Variants in MYCBP2 observed in about 807,000 individuals in gnomAD.
MYCBP2 encodes the protein MYC binding protein 2.
MYCBP2 carries 120 observed loss-of-function variants against 525.3 expected under a neutral mutation model. The ratio of observed to expected loss-of-function variants is 0.23; its 90% CI spans 0.20 to 0.27. The LOEUF is 0.27. Among genes scored for constraint, MYCBP2 ranks in the 10% least tolerant of loss-of-function variants. The probability of loss-of-function intolerance (pLI) is 1.00; values close to 1 mark genes in which losing one functional copy is unlikely to be tolerated. For synonymous variants in MYCBP2, 1,894 were observed against 1,955.8 expected (o/e 0.97, Z 0.83); for missense variants, 4,149 against 5,657.1 (o/e 0.73, Z 8.55).
chr13:77,100,003 T>C (rs774046266), intron 55 of MYCBP2: 1 of 152,058 alleles, frequency 6.6e-6, no homozygotes, highest in Non-Finnish European at 1.5e-5. Flanking sequence ...AAATAAAAAC[T>C]TCTACTCTTA....
chr13:77,130,416 T>A (rs1381436773), intron 52 of MYCBP2, among the ~76,000 whole-genome samples: 2 of 151,858 alleles, frequency 1.3e-5, no homozygotes, highest in African/African-American at 4.8e-5. Flanking sequence ...CATATATATA[T>A]ATGGATATAT....
In MYCBP2 at chr13:77,326,822, C is replaced by A. The variant is rs1472689919; in HGVS notation, c.-47G>T. On this transcript the variant is annotated 5_prime_UTR_variant, in exon 1 of 83. Transcript: ENST00000544440. The surrounding 1 kb of genome is among the most constrained non-coding windows in gnomAD (Gnocchi z 4.2). ...CGCCGCCTCGTCCCCGCGGGCCGGG[C>A]GGGCAGACACGCGCGCGCACACACA... 4 of 1,379,606 alleles carry A rather than the reference C, an allele frequency of 2.9e-6. No homozygotes were observed. The highest frequency in any genetic ancestry group is 1.7e-5 in the South Asian group (1 of 58,076). The allele number at this position is 1,379,606 out of a possible 1,614,324, so 85.5% of individuals were successfully genotyped here.
intron 37 of MYCBP2, among the ~76,000 whole-genome samples, chr13:77,173,462 A>C (rs1035000240): frequency 1.3e-5 from 2 of 152,260 alleles, no homozygotes; most frequent in Non-Finnish European, 2.9e-5. Flanking sequence ...AGCAGCAACA[A>C]TGAACTACAT....
At chr13:77,325,344 G>A (rs766040392) in intron 1 of MYCBP2, among the ~76,000 whole-genome samples, 12 of 152,080 alleles carry the variant, frequency 7.9e-5, no homozygotes, top group Non-Finnish European at 1.6e-4. Flanking sequence ...CCCATGTACT[G>A]CAAGAAGCTG....
chr13:77,085,471 G>A (rs1332025536), intron 62 of MYCBP2, among the ~76,000 whole-genome samples: 1 of 152,120 alleles, frequency 6.6e-6, no homozygotes, highest in Non-Finnish European at 1.5e-5. Context: ...TGTACTTTCT[G>A]ATTCTTTTTC....
intron 55 of MYCBP2, among the ~76,000 whole-genome samples, chr13:77,117,838 C>A (rs73239482): frequency 2.6e-5 from 4 of 152,090 alleles, no homozygotes; most frequent in Non-Finnish European, 4.4e-5. Flanking sequence ...AGGACTAGAG[C>A]AATCCTAAAA....
At chr13:77,103,804 C>T (rs1381461177) in intron 55 of MYCBP2, among the ~76,000 whole-genome samples, 1 of 151,974 alleles carries the variant, frequency 6.6e-6, no homozygotes, top group Non-Finnish European at 1.5e-5. Flanking sequence ...CGGGGTGACA[C>T]TGTGTTTGGC....
Position 77,205,506 on chromosome 13 carries a change from T to C in MYCBP2, c.3682A>G (p.Lys1228Glu), listed in dbSNP as rs1210563253. The C allele has an allele frequency of 6.2e-7, 1 of 1,613,718 alleles. No homozygotes were observed. The highest frequency in any genetic ancestry group is 8.5e-7 in the Non-Finnish European group (1 of 1,179,820). The change falls in exon 25 of 83, where the codon AAA (lysine) becomes GAA (glutamate). Residue 1228 changes from lysine to glutamate, a missense_variant. Coordinates refer to ENST00000544440, the MANE Select transcript of MYCBP2 (RefSeq NM_015057.5). The stretch of plus-strand genomic sequence containing the variant: ...CTGTTTACCACACTATAATCTTCTT[T>C]AGAATAAACCTTCATTACTGCTTGA... Reference protein sequence around the residue: ...ETQAVMKVYSKEDYSVVNRFE... With the variant: ...ETQAVMKVYSEEDYSVVNRFE...
intron 1 of MYCBP2, among the ~76,000 whole-genome samples, chr13:77,318,456 T>C (rs1450176529): frequency 1.3e-5 from 2 of 152,152 alleles, no homozygotes; most frequent in Non-Finnish European, 2.9e-5. Context: ...ATTTCCTTCT[T>C]AAAAACTACA....
chr13:77,120,341 A>G (rs1183771573), intron 55 of MYCBP2, among the ~76,000 whole-genome samples: 1 of 152,208 alleles, frequency 6.6e-6, no homozygotes. Context: ...GTAAAAAAAA[A>G]TCTTGTGGCT....
intron 76 of MYCBP2, among the ~76,000 whole-genome samples, 162 bp downstream of exon 76, chr13:77,061,007 T>A (rs949800976): frequency 6.6e-6 from 1 of 152,212 alleles, no homozygotes; most frequent in African/African-American, 2.4e-5. Flanking sequence ...TAATGCTCTC[T>A]TCACCATAGA....
chr13:77,240,468 C>T (rs1326198303), intron 17 of MYCBP2, among the ~76,000 whole-genome samples: 4 of 151,978 alleles, frequency 2.6e-5, no homozygotes, highest in South Asian at 2.1e-4. Flanking sequence ...ATTAGCCAGG[C>T]GTGGTGGCGG....
At chr13:77,223,561 T>G (rs559537979) in intron 20 of MYCBP2, among the ~76,000 whole-genome samples, 4 of 152,308 alleles carry the variant, frequency 2.6e-5, no homozygotes, top group Non-Finnish European at 4.4e-5. Flanking sequence ...AAGAGGGACT[T>G]CAAGATACAA....
intron 1 of MYCBP2, among the ~76,000 whole-genome samples, chr13:77,310,599 C>G (rs1431993322): frequency 6.6e-6 from 1 of 151,944 alleles, no homozygotes; most frequent in African/African-American, 2.4e-5. Context: ...TGATATCAAA[C>G]AGTATCATAT....
At chr13:77,260,697 G>A (rs1023535570) in intron 12 of MYCBP2, 105 bp from the exon 13 acceptor site, 1 of 1,002,870 alleles carries the variant, frequency 1.0e-6, no homozygotes. Context: ...TTGCATTTAT[G>A]ACACTATTTG....
chr13:77,150,534 C>T (rs1347367141), intron 47 of MYCBP2, among the ~76,000 whole-genome samples, 200 bp downstream of exon 47: 1 of 152,178 alleles, frequency 6.6e-6, no homozygotes, highest in Non-Finnish European at 1.5e-5. Flanking sequence ...TGGTGATCCC[C>T]TCTGGACATC....
Position 77,137,173 on chromosome 13 carries a change from T to C in MYCBP2, c.7659+2023A>G, listed in dbSNP as rs547190080. Among the ~76,000 whole-genome samples the C allele has an allele frequency of 4.6e-5, 7 of 152,336 alleles. No individual in the cohort carries two copies. In the South Asian group the frequency reaches 1.4e-3, roughly 32 times the overall value. On this transcript the variant is annotated intron_variant, in intron 52 of 82. Transcript: ENST00000544440. Reference sequence around the variant, plus strand: ...CTTCTTTCCCTGACCTTAAGGAGACTGTCTACTACAGATTGTCTCTTGGAT... The same window carrying C: ...CTTCTTTCCCTGACCTTAAGGAGACCGTCTACTACAGATTGTCTCTTGGAT...
rs1229202102 is a variant in MYCBP2 at position 77,065,994 on chromosome 13, C to T, written c.12550G>A (p.Ala4184Thr). Reference protein sequence around the residue: ...IIIKLIKDMAAGHLSEAWSRV... With the variant: ...IIIKLIKDMATGHLSEAWSRV... ...AAAACAGAAGAATGGGAACTTACTG[C>T]TGCCATATCCTTGATAAGTTTAATG... is the stretch of plus-strand genomic sequence containing the variant. The change falls in exon 72 of 83, where the codon GCA (alanine) becomes ACA (threonine). Residue 4184 changes from alanine to threonine, a missense_variant and splice_region_variant. By Grantham distance (58) the Ala-to-Thr change is moderately conservative. Transcript: ENST00000544440. 6.2e-7 allele frequency: 1 copy of T among 1,607,758 alleles called. No individual in the cohort carries two copies. Among genetic ancestry groups the T allele is most frequent in the Non-Finnish European group, 8.5e-7 (1 of 1,176,468 alleles).
intron 52 of MYCBP2, among the ~76,000 whole-genome samples, chr13:77,134,202 C>T (rs2053368366): frequency 6.6e-6 from 1 of 151,984 alleles, no homozygotes; most frequent in African/African-American, 2.4e-5. Flanking sequence ...AAAACAAAGA[C>T]TCTTAAGACA....
Sources: allele counts gnomAD v4.1 joint callset (sites outside exome capture counted in the v4.1 genomes callset), GRCh38; gene constraint gnomAD v4.1.1; non-coding constraint Gnocchi (gnomAD v3.1); transcripts MANE v1.5; gene names NCBI Gene and HGNC (gene_info 2026-07-23, HGNC 2026-07-21).